Variants in CCDC88C observed in about 807,000 individuals in gnomAD.
CCDC88C encodes coiled-coil and HOOK domain protein 88C, also known as protein Daple.
Under a neutral mutation model 198.8 loss-of-function variants are expected in CCDC88C, and 131 were observed. The ratio of observed to expected loss-of-function variants is 0.66; its 90% CI spans 0.57 to 0.76. The LOEUF (loss-of-function observed/expected upper bound fraction) is 0.76. CCDC88C is among the 30% of genes least tolerant of loss of function. The pLI is 0.00. For missense variants in CCDC88C, 2,553 were observed against 2,631.6 expected (o/e 0.97, Z 0.65); for synonymous variants, 1,166 against 1,114.7 (o/e 1.05, Z -0.92).
intron 1 of CCDC88C, 40 bp downstream of exon 1, chr14:91,417,591 C>G (rs771831782): frequency 1.3e-6 from 2 of 1,557,992 alleles, no homozygotes; most frequent in Admixed American, 1.8e-5. Context: ...AGAGAGAAGC[C>G]GGTGCACCAA....
At chr14:91,359,419 G>T (rs770430119) in intron 4 of CCDC88C, among the ~76,000 whole-genome samples, 1 of 152,178 alleles carries the variant, frequency 6.6e-6, no homozygotes, top group African/African-American at 2.4e-5. Flanking sequence ...TTACAGGCGT[G>T]AGCCACCGCG....
At chr14:91,399,284 T>C (rs1886032487) in intron 3 of CCDC88C, among the ~76,000 whole-genome samples, 1 of 152,022 alleles carries the variant, frequency 6.6e-6, no homozygotes, top group Non-Finnish European at 1.5e-5. Context: ...CTAAGCCCAC[T>C]TCTCCTCACC....
intron 3 of CCDC88C, among the ~76,000 whole-genome samples, chr14:91,375,210 A>G (rs1254551239): frequency 6.6e-6 from 1 of 152,132 alleles, no homozygotes; most frequent in Non-Finnish European, 1.5e-5. Flanking sequence ...TCATTTGCCA[A>G]ATGAGCTAAT....
At chr14:91,345,190 A>ATATATATATTTTTTTT (rs1246878587) in intron 4 of CCDC88C, among the ~76,000 whole-genome samples, 5 of 52,202 alleles carry the variant, frequency 9.6e-5, no homozygotes, top group African/African-American at 2.4e-4. Flanking sequence ...ATATATATAT[A>ATATATATATTTTTTTT]TTTTTTTTTT....
Position 91,307,105 on chromosome 14 carries a change from G to A in CCDC88C, c.3128C>T (p.Pro1043Leu). Residue 1043 changes from proline (P) to leucine (L), a missense_variant, in exon 18 of 30, where the codon CCC becomes CTC. Pro to Leu is a moderately conservative substitution (Grantham distance 98). Around this residue, in one of 2 missense-constraint regions of CCDC88C, gnomAD observed 1,260 missense variants for 1,412.0 expected, o/e 0.89. Coordinates refer to ENST00000389857, the MANE Select transcript of CCDC88C (RefSeq NM_001080414.4). ...CTCCATGGTGGCTTCCTTATGGCCG[G>A]GCCCCCAGGCCTCCTTCCCCTGGTG... ...ASHQGKEAWG[P>L]GHKEATMELL... 1 of 1,613,896 alleles carries A rather than the reference G, an allele frequency of 6.2e-7. No individual in the cohort carries two copies. The highest frequency in any genetic ancestry group is 8.5e-7 in the Non-Finnish European group (1 of 1,179,870).
chr14:91,322,198 C>T (rs1012819641), intron 12 of CCDC88C, among the ~76,000 whole-genome samples: 1 of 152,222 alleles, frequency 6.6e-6, no homozygotes, highest in African/African-American at 2.4e-5. Flanking sequence ...CGATTCCTCC[C>T]CCTACCTCTT....
rs752845894 is a variant in CCDC88C at position 91,294,174 on chromosome 14, T to C, written c.4111A>G (p.Ile1371Val). ...EQYHEEQKQY[I>V]DKLNALRRHK... ...GGGGTTCAGGGACTCCCTGCTTACA[T>C]GTACTGCTTCTGCTCCTCATGGTAC... Residue 1371 changes from isoleucine to valine, a missense_variant and splice_region_variant, in exon 23 of 30, where the codon ATA (isoleucine) becomes GTA (valine). Ile to Val is a conservative substitution (Grantham distance 29, BLOSUM62 3). Around this residue, in one of 2 missense-constraint regions of CCDC88C, gnomAD observed 1,293 missense variants for 1,219.6 expected, o/e 1.06. Transcript: ENST00000389857. 5.0e-6 allele frequency: 8 copies of C among 1,613,976 alleles called. No homozygotes were observed. Among genetic ancestry groups the C allele is most frequent in the Middle Eastern group, 1.7e-4 (1 of 6,056 alleles).
At chr14:91,351,523 C>A (rs1183467306) in intron 4 of CCDC88C, among the ~76,000 whole-genome samples, 1 of 152,182 alleles carries the variant, frequency 6.6e-6, no homozygotes, top group Non-Finnish European at 1.5e-5. Flanking sequence ...CATGGGGATG[C>A]TCCATCATAT....
intron 5 of CCDC88C, 106 bp from the exon 6 acceptor site, chr14:91,342,569 G>A: frequency 2.7e-6 from 2 of 751,388 alleles, no homozygotes; most frequent in Non-Finnish European, 4.7e-6. Flanking sequence ...CCCACCCCGG[G>A]CTTCTCCTTC....
intron 12 of CCDC88C, 72 bp downstream of exon 12, chr14:91,324,707 C>A (rs1892509485): frequency 6.4e-7 from 1 of 1,565,188 alleles, no homozygotes; most frequent in South Asian, 1.1e-5. Context: ...AGATTCAGAG[C>A]CCAGGACTCA....
At chr14:91,387,969 C>T (rs182015536) in intron 3 of CCDC88C, among the ~76,000 whole-genome samples, 5 of 152,196 alleles carry the variant, frequency 3.3e-5, no homozygotes, top group African/African-American at 7.2e-5. Flanking sequence ...ATCAGAAACC[C>T]TCACTCTACA....
intron 23 of CCDC88C, among the ~76,000 whole-genome samples, chr14:91,293,538 G>T (rs1355512302): frequency 0.037 from 662 of 17,660 alleles, 160 homozygotes; most frequent in Admixed American, 0.057. Context: ...ACCTGCCACG[G>T]CCCACCTTCC....
chr14:91,416,791 AGTC>A lies in CCDC88C; in HGVS notation c.105_107del (p.Thr36del). ...TGCCGTCCACTAAATCCATGTACATAGTCAGGTTGTCCTGGCTGCCGCTTCCAA... is the reference window on the plus strand; with the variant it reads ...TGCCGTCCACTAAATCCATGTACATAAGGTTGTCCTGGCTGCCGCTTCCAA... On this transcript the variant is annotated inframe_deletion, in exon 2 of 30. Transcript: ENST00000389857. 6.2e-7 allele frequency: 1 copy of A among 1,613,770 alleles called. No homozygotes were observed. Among genetic ancestry groups the A allele is most frequent in the Non-Finnish European group, 8.5e-7 (1 of 1,179,814 alleles).
intron 16 of CCDC88C, among the ~76,000 whole-genome samples, chr14:91,308,996 G>A (rs968654602): frequency 7.2e-5 from 11 of 152,174 alleles, no homozygotes; most frequent in African/African-American, 2.7e-4. Flanking sequence ...GGATGCCAAG[G>A]CGGGAGGATC....
Position 91,371,685 on chromosome 14 carries a change from C to T in CCDC88C, c.271-11974G>A, listed in dbSNP as rs754710790. Among the ~76,000 whole-genome samples the T allele has an allele frequency of 6.6e-6, 1 of 152,278 alleles. No individual in the cohort carries two copies. The highest frequency in any genetic ancestry group is 1.5e-5 in the Non-Finnish European group (1 of 68,004). The stretch of plus-strand genomic sequence containing the variant: ...TCAGCAGAAGCAAGGCCTTCCTCGT[C>T]CCAGCAAGTAGCTGGGCTGGGGGAA... On this transcript the variant is annotated intron_variant, in intron 3 of 29. Coordinates refer to ENST00000389857, the MANE Select transcript of CCDC88C (RefSeq NM_001080414.4). This position sits in a 1 kb window ranked among gnomAD's most constrained non-coding sequence, Gnocchi z 4.2.
intron 3 of CCDC88C, among the ~76,000 whole-genome samples, chr14:91,360,457 T>TAAGAAG (rs535750514): frequency 6.6e-6 from 1 of 151,722 alleles, no homozygotes; most frequent in African/African-American, 2.4e-5. Context: ...AAAAAGAAAA[T>TAAGAAG]AAGAAGAAGA....
chr14:91,296,054 C>T (rs1326000020), intron 22 of CCDC88C, among the ~76,000 whole-genome samples: 1 of 152,212 alleles, frequency 6.6e-6, no homozygotes, highest in South Asian at 2.1e-4. Flanking sequence ...GCCTCCCAAC[C>T]GGAAGAAACC....
intron 3 of CCDC88C, among the ~76,000 whole-genome samples, chr14:91,361,696 T>TGG (rs576381702): frequency 8.9e-4 from 135 of 152,206 alleles, no homozygotes; most frequent in Non-Finnish European, 1.7e-3. Context: ...CTGTACGTGT[T>TGG]GGACAATAGT....
chr14:91,331,673 G>C (rs1055779796), intron 10 of CCDC88C, among the ~76,000 whole-genome samples: 1 of 152,158 alleles, frequency 6.6e-6, no homozygotes, highest in Non-Finnish European at 1.5e-5. Context: ...TCTATTCCAC[G>C]GTCCCCACCT....
Sources: allele counts gnomAD v4.1 joint callset (sites outside exome capture counted in the v4.1 genomes callset), GRCh38; gene constraint gnomAD v4.1.1; regional missense constraint gnomAD v4.1.1; non-coding constraint Gnocchi (gnomAD v3.1); transcripts MANE v1.5; gene names NCBI Gene and HGNC (gene_info 2026-07-23, HGNC 2026-07-21).